The following PRKG2 variants were observed in gnomAD, a reference collection of about 807,000 sequenced individuals.
PRKG2 encodes protein kinase cGMP-dependent 2, also known as cGMP-dependent protein kinase 2.
Under a neutral mutation model 97.2 loss-of-function variants are expected in PRKG2, and 33 were observed. That is an observed-to-expected ratio of 0.34 (90% confidence interval 0.26 to 0.45). The LOEUF (loss-of-function observed/expected upper bound fraction) is 0.45. Among genes scored for constraint, PRKG2 ranks in the 20% least tolerant of loss-of-function variants. The probability of loss-of-function intolerance (pLI) is 1.00; values close to 1 mark genes in which losing one functional copy is unlikely to be tolerated. For missense variants in PRKG2, 638 were observed against 900.0 expected (o/e 0.71, Z 3.73); for synonymous variants, 330 against 321.8 (o/e 1.03, Z -0.27).
In PRKG2 at chr4:81,103,321, C is replaced by G. The variant is rs117046676; in HGVS notation, c.2126+1049G>C. Among the ~76,000 whole-genome samples, 906 of 152,128 alleles carry G rather than the reference C, an allele frequency of 6.0e-3. 52 individuals are homozygous for G. The East Asian group carries it at 0.13, about 23-fold the overall frequency. Reference sequence around the variant, plus strand: ...CTATCCCTCCCCGCTCCCCCCACCCCACAACAGGCCGTCTTATGAAGGTTA... The same window carrying G: ...CTATCCCTCCCCGCTCCCCCCACCCGACAACAGGCCGTCTTATGAAGGTTA... On this transcript the variant is annotated intron_variant, in intron 17 of 18. Transcript: ENST00000264399.
At chr4:81,130,155 T>C (rs780575066) in intron 14 of PRKG2, among the ~76,000 whole-genome samples, 10 of 152,206 alleles carry the variant, frequency 6.6e-5, no homozygotes, top group Non-Finnish European at 1.2e-4. Flanking sequence ...TGGTATTAGA[T>C]GTTGGTGACC....
At position 81,093,406 on chromosome 4, in the gene PRKG2, A is replaced by ACACAC. The variant is rs1560528537; in HGVS notation, c.2127-955_2127-954insGTGTG. Among the ~76,000 whole-genome samples, 518 of 120,186 alleles carry ACACAC rather than the reference A, an allele frequency of 4.3e-3. 9 individuals carry two copies. The highest frequency in any genetic ancestry group is 0.018 in the African/African-American group (498 of 28,210). 78.8% of individuals were successfully genotyped at this position (120,186 alleles called of 152,430 possible). ...ACACACACACACACACACACACACA[A>ACACAC]GCTTCTTATCCTCCTTCCCTACTTT... On this transcript the variant is annotated intron_variant, in intron 17 of 18. Coordinates refer to ENST00000264399, the MANE Select transcript of PRKG2 (RefSeq NM_006259.3).
At chr4:81,131,438 A>G (rs1746169371) in intron 14 of PRKG2, among the ~76,000 whole-genome samples, 3 of 152,264 alleles carry the variant, frequency 2.0e-5, no homozygotes, top group South Asian at 2.1e-4. Flanking sequence ...GCCACCATGA[A>G]GTGGTTTTTT....
chr4:81,120,928 C>CT (rs1368712823), intron 14 of PRKG2, among the ~76,000 whole-genome samples: 1 of 152,160 alleles, frequency 6.6e-6, no homozygotes, highest in African/African-American at 2.4e-5. Context: ...GAGCTGTAGG[C>CT]TTTTTGTAGA....
chr4:81,215,677 T>C (rs1754245157), upstream of PRKG2, among the ~76,000 whole-genome samples: 1 of 150,808 alleles, frequency 6.6e-6, no homozygotes, highest in Non-Finnish European at 1.5e-5. Context: ...TACGAAGACA[T>C]GTGACCCCGA....
At chr4:81,203,158 CAA>C (rs1753423870) in intron 2 of PRKG2, among the ~76,000 whole-genome samples, 1 of 151,660 alleles carries the variant, frequency 6.6e-6, no homozygotes, top group Non-Finnish European at 1.5e-5. Context: ...TTTTTTAAAA[CAA>C]ATATAAGTTT....
intron 6 of PRKG2, among the ~76,000 whole-genome samples, chr4:81,159,037 G>A (rs889651570): frequency 6.6e-6 from 1 of 152,024 alleles, no homozygotes; most frequent in Non-Finnish European, 1.5e-5. Flanking sequence ...TACCATTCGG[G>A]ACATAGGCAT....
chr4:81,217,031 GTATATATA>G (rs35897460), upstream of PRKG2, among the ~76,000 whole-genome samples: 4 of 115,296 alleles, frequency 3.5e-5, no homozygotes, highest in East Asian at 2.4e-4. Flanking sequence ...TATATATTTT[GTATATATA>G]TATATATATA....
chr4:81,192,531 C>A (rs537418920), intron 2 of PRKG2, among the ~76,000 whole-genome samples: 4 of 152,198 alleles, frequency 2.6e-5, no homozygotes, highest in Admixed American at 6.5e-5. Context: ...ATGCTGCCAG[C>A]ACCTTCCTTG....
chr4:81,205,288 C>A (rs1453711828), intron 1 of PRKG2, among the ~76,000 whole-genome samples: 1 of 151,824 alleles, frequency 6.6e-6, no homozygotes, highest in Non-Finnish European at 1.5e-5. Context: ...TTACCTGTCC[C>A]TTTGAGAGCA....
intron 17 of PRKG2, 54 bp from the exon 18 acceptor site, chr4:81,092,506 AAGGAAGGG>A: frequency 1.0e-6 from 1 of 1,004,844 alleles, no homozygotes; most frequent in Non-Finnish European, 1.5e-6. Flanking sequence ...GGAAGGAAGG[AAGGAAGGG>A]AGAAAGAAAG....
In PRKG2 at chr4:81,153,986, T is replaced by G. The variant is rs953597579; in HGVS notation, c.913-265A>C. The G allele has an allele frequency of 3.4e-5, 9 of 264,802 alleles. No individual in the cohort carries two copies. The East Asian group carries it at 5.7e-4, about 17-fold the overall frequency. The allele number at this position is 264,802 out of a possible 1,614,324, so 16.4% of individuals were successfully genotyped here. A position where few individuals can be genotyped will look rare whatever the true frequency, so the allele number is the denominator to read the frequency against. ...CAAGGGGTCAGGGAGTTCCCTTTCC[T>G]AGTCAAAGAAAGGGGTGATGGACAG... is the stretch of plus-strand genomic sequence containing the variant. On this transcript the variant is annotated intron_variant, in intron 6 of 18. Coordinates refer to ENST00000264399, the MANE Select transcript of PRKG2 (RefSeq NM_006259.3).
intron 6 of PRKG2, among the ~76,000 whole-genome samples, chr4:81,166,577 C>T (rs976326475): frequency 6.6e-6 from 1 of 152,086 alleles, no homozygotes; most frequent in African/African-American, 2.4e-5. Context: ...TGGACTAGAA[C>T]CAACCATCTG....
chr4:81,192,537 C>A (rs1752634606), intron 2 of PRKG2, among the ~76,000 whole-genome samples: 1 of 152,180 alleles, frequency 6.6e-6, no homozygotes, highest in Admixed American at 6.5e-5. Flanking sequence ...CCAGCACCTT[C>A]CTTGCTTCAT....
intron 14 of PRKG2, among the ~76,000 whole-genome samples, chr4:81,119,992 T>C (rs777528532): frequency 1.4e-4 from 21 of 152,232 alleles, no homozygotes; most frequent in Admixed American, 2.6e-4. Context: ...TTACGGATAC[T>C]GTTAAAGAGA....
At chr4:81,198,372 A>G (rs1419443765) in intron 2 of PRKG2, among the ~76,000 whole-genome samples, 4 of 152,142 alleles carry the variant, frequency 2.6e-5, no homozygotes, top group Admixed American at 6.5e-5. Context: ...ACCGGCTGCC[A>G]AAGCTTATTT....
chr4:81,139,781 C>CAAAAAAAA (rs548249378), intron 12 of PRKG2, among the ~76,000 whole-genome samples: 37 of 75,172 alleles, frequency 4.9e-4, no homozygotes, highest in Non-Finnish European at 5.6e-4. Flanking sequence ...TCTCAAAAGA[C>CAAAAAAAA]AAAAAAAAAA....
At chr4:81,169,216 C>A (rs189604279) in intron 5 of PRKG2, among the ~76,000 whole-genome samples, 3 of 151,880 alleles carry the variant, frequency 2.0e-5, no homozygotes, top group Non-Finnish European at 4.4e-5. Flanking sequence ...TGGAAGATGG[C>A]GTGACTATGC....
At chr4:81,185,057 G>C (rs550876741) in intron 2 of PRKG2, among the ~76,000 whole-genome samples, 1 of 152,288 alleles carries the variant, frequency 6.6e-6, no homozygotes, top group South Asian at 2.1e-4. Context: ...ACACTCTGCA[G>C]GATATTATCC....
Sources: gnomAD v4.1 joint callset for allele counts (sites outside exome capture counted in the v4.1 genomes callset) on GRCh38, gnomAD v4.1.1 for gene constraint, MANE v1.5 for transcripts, NCBI Gene and HGNC (gene_info 2026-07-23, HGNC 2026-07-21) for gene names.